RAPH1: variants seen among roughly 807,000 people sequenced by gnomAD.
RAPH1 encodes ras-associated and pleckstrin homology domains-containing protein 1.
RAPH1 carries 18 observed loss-of-function variants against 88.1 expected under a neutral mutation model. The ratio of observed to expected loss-of-function variants is 0.20; its 90% CI spans 0.14 to 0.30. RAPH1 has a LOEUF of 0.30. Ranked by LOEUF, RAPH1 falls within the 10% of genes least tolerant of loss-of-function variation. The probability of loss-of-function intolerance (pLI) is 1.00; values close to 1 mark genes in which losing one functional copy is unlikely to be tolerated. For missense variants in RAPH1, 1,448 were observed against 1,543.2 expected, an observed-to-expected ratio of 0.94 and a Z score of 1.03; for synonymous variants, 587 against 559.0, an observed-to-expected ratio of 1.05 and a Z score of -0.71.
At chr2:203,523,952 C>T (rs534279123) in intron 1 of RAPH1, among the ~76,000 whole-genome samples, 1 of 151,874 alleles carries the variant, frequency 6.6e-6, no homozygotes, top group African/African-American at 2.4e-5. Context: ...TGCAGTGAGC[C>T]GAGATCACGC....
chr2:203,479,524 C>T (rs899016975), intron 4 of RAPH1, among the ~76,000 whole-genome samples: 1 of 151,376 alleles, frequency 6.6e-6, no homozygotes, highest in Non-Finnish European at 1.5e-5. Context: ...AGAAGAATTG[C>T]TTGAACCCTG....
At chr2:203,482,983 A>T (rs1687797728) in intron 4 of RAPH1, among the ~76,000 whole-genome samples, 1 of 152,174 alleles carries the variant, frequency 6.6e-6, no homozygotes, top group Non-Finnish European at 1.5e-5. Flanking sequence ...GCGTCTGGGC[A>T]GGGTTGAATA....
intron 1 of RAPH1, among the ~76,000 whole-genome samples, chr2:203,530,782 C>A (rs749090608): frequency 9.6e-4 from 146 of 151,978 alleles, no homozygotes; most frequent in Admixed American, 2.4e-3. Context: ...ATCCCAGCTA[C>A]TCGGGAGGCT....
At chr2:203,445,080 T>A in intron 12 of RAPH1, 70 bp from the exon 13 acceptor site, 1 of 1,402,816 alleles carries the variant, frequency 7.1e-7, no homozygotes, top group Non-Finnish European at 9.9e-7. Flanking sequence ...TATGTATGTC[T>A]AGTTAGATCT....
intron 1 of RAPH1, among the ~76,000 whole-genome samples, chr2:203,513,209 T>TGG (rs34396607): frequency 5.5e-4 from 83 of 149,630 alleles, no homozygotes; most frequent in African/African-American, 1.4e-3. Context: ...TGCAGAAAAA[T>TGG]GGGGGGGGGA....
intron 4 of RAPH1, 31 bp from the exon 5 acceptor site, chr2:203,461,956 T>C (rs757882506): frequency 3.9e-6 from 6 of 1,548,860 alleles, no homozygotes; most frequent in Non-Finnish European, 5.3e-6. Context: ...AGATAAACAA[T>C]GCTAAGATGA....
At chr2:203,472,745 T>G (rs990819428) in intron 4 of RAPH1, among the ~76,000 whole-genome samples, 3 of 152,326 alleles carry the variant, frequency 2.0e-5, no homozygotes, top group East Asian at 1.9e-4. Flanking sequence ...AAACAAACTA[T>G]GATTTGGTAA....
chr2:203,448,663 A>T lies in RAPH1; in HGVS notation c.1512+75T>A. 1.0e-6 allele frequency: 1 copy of T among 968,116 alleles called. No individual in the cohort carries two copies. Among genetic ancestry groups the T allele is most frequent in the Non-Finnish European group, 1.6e-6 (1 of 638,784 alleles). 60.0% of individuals were successfully genotyped at this position (968,116 alleles called of 1,614,324 possible). ...TCCATGAACATGAAATAGTCAGAAT[A>T]GTTGTCATGAAAACGAAAACTATAT... On this transcript the variant is annotated intron_variant, in intron 11 of 13. Transcript: ENST00000319170. This position sits in a 1 kb window ranked among gnomAD's most constrained non-coding sequence, Gnocchi z 4.1.
At chr2:203,477,350 T>C (rs1181846250) in intron 4 of RAPH1, among the ~76,000 whole-genome samples, 4 of 152,164 alleles carry the variant, frequency 2.6e-5, no homozygotes, top group Non-Finnish European at 4.4e-5. Context: ...ACCCAGATGA[T>C]CCTAACCCTT....
chr2:203,531,184 T>C (rs1021274299), intron 1 of RAPH1, among the ~76,000 whole-genome samples: 2 of 151,666 alleles, frequency 1.3e-5, no homozygotes, highest in African/African-American at 4.9e-5. Context: ...GCCTCTTGGA[T>C]ATAACACCAA....
Position 203,434,060 on chromosome 2 carries a change from A to C in RAPH1, c.*5377T>G, listed in dbSNP as rs1129558. 0.37 allele frequency: 43,960 copies of C among 118,756 alleles called. 6,683 individuals carry two copies. The highest frequency in any genetic ancestry group is 0.49 in the Middle Eastern group (112 of 228). The allele number at this position is 118,756 out of a possible 1,614,324, so 7.4% of individuals were successfully genotyped here. A position where few individuals can be genotyped will look rare whatever the true frequency, so the allele number is the denominator to read the frequency against. On this transcript the variant is annotated 3_prime_UTR_variant, in exon 14 of 14. Coordinates refer to ENST00000319170, the MANE Select transcript of RAPH1 (RefSeq NM_213589.3). Reference sequence around the variant, plus strand: ...CTCATATATCTATCTATCTATCTATATATATATATATATATATATAGCTTT... The same window carrying C: ...CTCATATATCTATCTATCTATCTATCTATATATATATATATATATAGCTTT...
At chr2:203,499,896 G>T (rs1189805267) in intron 1 of RAPH1, among the ~76,000 whole-genome samples, 1 of 152,064 alleles carries the variant, frequency 6.6e-6, no homozygotes, top group Non-Finnish European at 1.5e-5. Flanking sequence ...ATCAAATGAG[G>T]TGCCCCCAGA....
rs529169673 is a variant in RAPH1, at chr2:203,438,081, C to T, written c.*1356G>A. 8 of 510,050 alleles carry T rather than the reference C, an allele frequency of 1.6e-5. No homozygotes were observed. The highest frequency in any genetic ancestry group is 1.1e-4 in the East Asian group (2 of 18,066). The allele number at this position is 510,050 out of a possible 1,614,324, so 31.6% of individuals were successfully genotyped here. A position where few individuals can be genotyped will look rare whatever the true frequency, so the allele number is the denominator to read the frequency against. On this transcript the variant is annotated 3_prime_UTR_variant, in exon 14 of 14. Transcript: ENST00000319170. ...ACTCCACGTTATACCAAACTGCACA[C>T]GCATAAAACGTAATGTCAGTTACTG...
chr2:203,454,554 A>T lies in RAPH1; in HGVS notation c.1303-14T>A. ...ATCCCGAGAGACCTAAGATAAAAAC[A>T]CCAAAAAGATAAAATTAATAATAAT... is the stretch of plus-strand genomic sequence containing the variant. On this transcript the variant is annotated splice_polypyrimidine_tract_variant and intron_variant, in intron 9 of 13. Coordinates refer to ENST00000319170, the MANE Select transcript of RAPH1 (RefSeq NM_213589.3). 6.4e-7 allele frequency: 1 copy of T among 1,572,626 alleles called. No individual in the cohort carries two copies. Among genetic ancestry groups the T allele is most frequent in the Non-Finnish European group, 8.7e-7 (1 of 1,145,736 alleles).
At chr2:203,523,880 T>G (rs763578882) in intron 1 of RAPH1, among the ~76,000 whole-genome samples, 12 of 152,088 alleles carry the variant, frequency 7.9e-5, no homozygotes, top group Non-Finnish European at 1.6e-4. Context: ...GGCATGCGCC[T>G]GTAGTCCCAG....
In RAPH1 at chr2:203,506,898, A is replaced by ATATT. The variant is rs1304485255; in HGVS notation, c.1-11546_1-11545insAATA. ...TATATATAGATATATATATATATAT[A>ATATT]TTTTTTTTTTTTTTGAGATGAACTT... On this transcript the variant is annotated intron_variant, in intron 1 of 13. Transcript: ENST00000319170. 1.9e-4 allele frequency among the ~76,000 whole-genome samples: 17 copies of ATATT among 87,870 alleles called. 1 individual carries two copies. Among genetic ancestry groups the ATATT allele is most frequent in the African/African-American group, 6.4e-4 (10 of 15,630 alleles). The allele number at this position is 87,870 out of a possible 152,430, so 57.6% of individuals were successfully genotyped here. A position where few individuals can be genotyped will look rare whatever the true frequency, so the allele number is the denominator to read the frequency against.
At chr2:203,506,882 A>ATC in intron 1 of RAPH1, among the ~76,000 whole-genome samples, 1 of 76,534 alleles carries the variant, frequency 1.3e-5, no homozygotes, top group South Asian at 3.3e-4. Context: ...ATATATATAG[A>ATC]TATATATATA....
At position 203,448,876 on chromosome 2, in the gene RAPH1, G is replaced by A. The variant is rs184054132; in HGVS notation, c.1414-40C>T. Reference sequence around the variant, plus strand: ...ACAAAATCCAACTAAGTCCCTTGGAGAACTAAAGAAAAACAAACTTTATCA... The same window carrying A: ...ACAAAATCCAACTAAGTCCCTTGGAAAACTAAAGAAAAACAAACTTTATCA... On this transcript the variant is annotated intron_variant, in intron 10 of 13. Coordinates refer to ENST00000319170, the MANE Select transcript of RAPH1 (RefSeq NM_213589.3). The surrounding 1 kb of genome is among the most constrained non-coding windows in gnomAD (Gnocchi z 4.1). The A allele has an allele frequency of 6.7e-5, 94 of 1,409,576 alleles. No individual in the cohort carries two copies. The East Asian group carries it at 2.1e-3, about 31-fold the overall frequency. The allele number at this position is 1,409,576 out of a possible 1,614,324, so 87.3% of individuals were successfully genotyped here. A position where few individuals can be genotyped will look rare whatever the true frequency, so the allele number is the denominator to read the frequency against.
chr2:203,443,376 T>C (rs1304563596), intron 13 of RAPH1: 1 of 152,154 alleles, frequency 6.6e-6, no homozygotes, highest in African/African-American at 2.4e-5. Flanking sequence ...AAATGGTGAC[T>C]ACAGCCAGGA....
Sources: allele counts gnomAD v4.1 joint callset (sites outside exome capture counted in the v4.1 genomes callset), GRCh38; gene constraint gnomAD v4.1.1; non-coding constraint Gnocchi (gnomAD v3.1); transcripts MANE v1.5; gene names NCBI Gene and HGNC (gene_info 2026-07-23, HGNC 2026-07-21).